CDK13: variants seen among roughly 807,000 people sequenced by gnomAD.
The protein encoded by CDK13 is cyclin dependent kinase 13.
A neutral mutation model predicts 137.6 loss-of-function variants in CDK13; 40 were observed. The observed-to-expected ratio is 0.29, with a 90% CI of 0.23 to 0.38. The LOEUF is 0.38. Among genes scored for constraint, CDK13 ranks in the 10% least tolerant of loss-of-function variants. CDK13 has a pLI of 1.00. For synonymous variants in CDK13, 869 were observed against 760.1 expected, an observed-to-expected ratio of 1.14 and a Z score of -2.36; for missense variants, 1,704 against 1,951.8, an observed-to-expected ratio of 0.87 and a Z score of 2.39.
chr7:40,027,012 C>T (rs1056171001), intron 5 of CDK13, among the ~76,000 whole-genome samples: 3 of 152,058 alleles, frequency 2.0e-5, no homozygotes, highest in Non-Finnish European at 2.9e-5. Context: ...CTAAAAACCC[C>T]ATTTAAACTA....
chr7:40,030,473 C>T (rs1239316539), intron 5 of CDK13, among the ~76,000 whole-genome samples: 2 of 143,076 alleles, frequency 1.4e-5, no homozygotes, highest in Non-Finnish European at 3.0e-5. Flanking sequence ...TGGTCTGACA[C>T]CCAGGCTGGA....
At position 40,097,213 on chromosome 7, in the gene CDK13, T is replaced by A. The variant is rs572991127; in HGVS notation, c.*2233T>A. 30 of 152,204 alleles carry A rather than the reference T, an allele frequency of 2.0e-4. No homozygotes were observed. Among genetic ancestry groups the A allele is most frequent in the Non-Finnish European group, 4.1e-4 (28 of 67,972 alleles). 9.4% of individuals were successfully genotyped at this position (152,204 alleles called of 1,614,324 possible). On this transcript the variant is annotated 3_prime_UTR_variant, in exon 14 of 14. Coordinates refer to ENST00000181839, the MANE Select transcript of CDK13 (RefSeq NM_003718.5). ...GAGAGTGGCTGGGAGGACAGGGAAATTGTTGCTTTGACATTGAAAATTTGA... is the reference window on the plus strand; with the variant it reads ...GAGAGTGGCTGGGAGGACAGGGAAAATGTTGCTTTGACATTGAAAATTTGA...
intron 7 of CDK13, chr7:40,049,178 C>CA (rs1785820651): frequency 1.5e-5 from 1 of 66,772 alleles, no homozygotes; most frequent in African/African-American, 8.7e-5. Flanking sequence ...AAGACTGTCT[C>CA]CAAAAAAAAA....
chr7:40,076,626 A>G (rs750229003), intron 9 of CDK13, among the ~76,000 whole-genome samples: 1 of 152,198 alleles, frequency 6.6e-6, no homozygotes, highest in Non-Finnish European at 1.5e-5. Context: ...AGTTCTTAGT[A>G]TCTTTAAAGC....
chr7:39,968,883 C>T lies in CDK13; in HGVS notation c.1211+17031C>T, dbSNP rs1349995075. 3.9e-5 allele frequency among the ~76,000 whole-genome samples: 6 copies of T among 152,148 alleles called. No individual in the cohort carries two copies. In the South Asian group the frequency reaches 1.0e-3, roughly 26 times the overall value. ...GAACCAAACTACTCTTACTTCTTAC[C>T]GTATATCCTGATCACAATACAAACT... is the stretch of plus-strand genomic sequence containing the variant. On this transcript the variant is annotated intron_variant, in intron 1 of 13. Coordinates refer to ENST00000181839, the MANE Select transcript of CDK13 (RefSeq NM_003718.5).
At position 40,078,137 on chromosome 7, in the gene CDK13, G is replaced by A; in HGVS notation, c.2897+16G>A. 1.7e-6 allele frequency: 2 copies of A among 1,176,888 alleles called. No individual in the cohort carries two copies. The highest frequency in any genetic ancestry group is 2.5e-6 in the Non-Finnish European group (2 of 806,300). The allele number at this position is 1,176,888 out of a possible 1,614,324, so 72.9% of individuals were successfully genotyped here. A position where few individuals can be genotyped will look rare whatever the true frequency, so the allele number is the denominator to read the frequency against. ...AATTTGTTTTGTAAGAAGGGGATGT[G>A]TAAACATCCTTATTGCATGAATGTT... On this transcript the variant is annotated intron_variant, in intron 10 of 13. Transcript: ENST00000181839.
chr7:40,066,747 T>C (rs1259274308), intron 9 of CDK13: 2 of 152,196 alleles, frequency 1.3e-5, no homozygotes, highest in African/African-American at 4.8e-5. Context: ...ATGGGTGTGG[T>C]TTGTACAAGA....
At chr7:40,031,175 A>G (rs999687291) in intron 5 of CDK13, among the ~76,000 whole-genome samples, 1 of 152,184 alleles carries the variant, frequency 6.6e-6, no homozygotes, top group African/African-American at 2.4e-5. Flanking sequence ...TTCAATTCTA[A>G]TAGATATGTA....
chr7:40,000,578 A>G (rs952004187), intron 4 of CDK13, among the ~76,000 whole-genome samples: 2 of 152,184 alleles, frequency 1.3e-5, no homozygotes, highest in Admixed American at 6.5e-5. Flanking sequence ...TAGCACAGCT[A>G]TTAGAGGCCA....
chr7:40,042,610 C>G (rs942457407), intron 5 of CDK13, among the ~76,000 whole-genome samples: 1 of 149,530 alleles, frequency 6.7e-6, no homozygotes, highest in African/African-American at 2.5e-5. Context: ...TCCCAAGTAG[C>G]TGGGATTACA....
chr7:40,023,226 G>T (rs1299121668), intron 5 of CDK13, among the ~76,000 whole-genome samples: 1 of 151,490 alleles, frequency 6.6e-6, no homozygotes, highest in Non-Finnish European at 1.5e-5. Flanking sequence ...CTGAGTAACT[G>T]GGACTACAGG....
intron 1 of CDK13, among the ~76,000 whole-genome samples, chr7:39,975,922 C>T (rs1441928524): frequency 6.6e-6 from 1 of 152,158 alleles, no homozygotes; most frequent in Non-Finnish European, 1.5e-5. Flanking sequence ...AAGACAAAGA[C>T]ATAAAATACA....
At chr7:40,047,955 G>C (rs770714463) in intron 7 of CDK13, 78 bp downstream of exon 7, 6 of 890,784 alleles carry the variant, frequency 6.7e-6, no homozygotes, top group Non-Finnish European at 1.1e-5. Context: ...CTTATTGATA[G>C]TTTTATTTTT....
Position 39,999,537 on chromosome 7 carries a change from G to A in CDK13, c.2182+37G>A, listed in dbSNP as rs772055703. 9.7e-6 allele frequency: 15 copies of A among 1,547,190 alleles called. No homozygotes were observed. The East Asian group carries it at 1.2e-4, about 12-fold the overall frequency. ...AAGTTCTGGGGATCTTTGGGCCTAC[G>A]GAATGTACTTAGTTTGTGTTTCTCT... is the stretch of plus-strand genomic sequence containing the variant. On this transcript the variant is annotated intron_variant, in intron 4 of 13. Transcript: ENST00000181839.
chr7:40,076,036 G>A (rs1353843666), intron 9 of CDK13, among the ~76,000 whole-genome samples: 1 of 149,908 alleles, frequency 6.7e-6, no homozygotes, highest in Non-Finnish European at 1.5e-5. Context: ...ACCTGTCTAT[G>A]GTTTACTTAT....
chr7:40,003,152 C>G (rs991952443), intron 5 of CDK13, among the ~76,000 whole-genome samples: 1 of 98,316 alleles, frequency 1.0e-5, no homozygotes, highest in Non-Finnish European at 2.0e-5. Context: ...TCTTCCCCAG[C>G]TACACACACA....
At chr7:40,034,788 G>A (rs1281772637) in intron 5 of CDK13, among the ~76,000 whole-genome samples, 8 of 152,166 alleles carry the variant, frequency 5.3e-5, no homozygotes. Flanking sequence ...ACTGGATGTT[G>A]TCAGTCTGGT....
chr7:40,076,267 T>C (rs1243255069), intron 9 of CDK13, among the ~76,000 whole-genome samples: 2 of 152,160 alleles, frequency 1.3e-5, no homozygotes, highest in Non-Finnish European at 2.9e-5. Flanking sequence ...ACAACTAAAA[T>C]ACAGAGCAGG....
intron 11 of CDK13, among the ~76,000 whole-genome samples, chr7:40,083,307 C>CA (rs143379108): frequency 0.11 from 9,158 of 79,914 alleles, 381 homozygotes; most frequent in Admixed American, 0.22. Flanking sequence ...CCTGTCTTTA[C>CA]AAAAAAAAAA....
Sources: gnomAD v4.1 joint callset for allele counts (sites outside exome capture counted in the v4.1 genomes callset) on GRCh38, gnomAD v4.1.1 for gene constraint, MANE v1.5 for transcripts, NCBI Gene and HGNC (gene_info 2026-07-23, HGNC 2026-07-21) for gene names.